Variants in PSD3 observed in about 807,000 individuals in gnomAD.
PSD3 encodes pleckstrin and Sec7 domain containing 3.
A neutral mutation model predicts 105.5 loss-of-function variants in PSD3; 49 were observed. The observed-to-expected ratio is 0.46, with a 90% confidence interval of 0.37 to 0.59. The LOEUF is 0.59. PSD3 is among the 20% of genes least tolerant of loss of function. The pLI is 0.00. For synonymous variants in PSD3, 557 were observed against 457.8 expected (o/e 1.22, Z -2.77); for missense variants, 1,561 against 1,263.8 (o/e 1.24, Z -3.57).
chr8:18,747,767 T>G (rs1031055533), intron 9 of PSD3, among the ~76,000 whole-genome samples: 1 of 151,598 alleles, frequency 6.6e-6, no homozygotes, highest in Non-Finnish European at 1.5e-5. Context: ...CTGCTCAGTA[T>G]GCAGAGAGCA....
At chr8:18,862,394 C>A (rs916065643) in intron 4 of PSD3, among the ~76,000 whole-genome samples, 3 of 150,892 alleles carry the variant, frequency 2.0e-5, no homozygotes, top group Admixed American at 6.6e-5. Context: ...AAAAAAAAAT[C>A]AAATCACCAT....
At chr8:18,869,828 T>C (rs966325672) in intron 3 of PSD3, among the ~76,000 whole-genome samples, 1 of 152,204 alleles carries the variant, frequency 6.6e-6, no homozygotes, top group Admixed American at 6.5e-5. Flanking sequence ...TATTAGCATG[T>C]TTATGTGATC....
chr8:18,894,312 C>G (rs1196931396), intron 2 of PSD3, among the ~76,000 whole-genome samples: 3 of 152,106 alleles, frequency 2.0e-5, no homozygotes, highest in African/African-American at 7.2e-5. Flanking sequence ...ATTAAAATGA[C>G]AGAAGTCACA....
At chr8:19,062,093 G>T (rs901168935) in intron 1 of PSD3, among the ~76,000 whole-genome samples, 12 of 152,018 alleles carry the variant, frequency 7.9e-5, no homozygotes, top group Admixed American at 5.2e-4. Flanking sequence ...TTCCTTTATG[G>T]CACCTAGTTC....
In PSD3 at chr8:18,872,209, C is replaced by A; in HGVS notation, c.655G>T (p.Ala219Ser). 1 of 1,614,174 alleles carries A rather than the reference C, an allele frequency of 6.2e-7. No homozygotes were observed. Among genetic ancestry groups the A allele is most frequent in the Non-Finnish European group, 8.5e-7 (1 of 1,180,032 alleles). Residue 219 changes from alanine to serine, a missense_variant, in exon 3 of 16, where the codon GCG (alanine) becomes TCG (serine). Ala to Ser is a moderately conservative substitution (Grantham distance 99). Coordinates refer to ENST00000327040, the MANE Select transcript of PSD3 (RefSeq NM_015310.4). Reference protein sequence around the residue: ...FYLSIQKDLTALLTGDTQAEI... With the variant: ...FYLSIQKDLTSLLTGDTQAEI... ...GCCTGAGTGTCTCCAGTTAACAGCG[C>A]GGTGAGATCTTTCTGGATGCTCAAA...
chr8:18,804,424 A>T (rs1586062862), intron 6 of PSD3, 98 bp downstream of exon 6: 12 of 141,304 alleles, frequency 8.5e-5, no homozygotes, highest in Non-Finnish European at 1.1e-4. Context: ...TGGAGGTTTA[A>T]AAAAAAAAAA....
intron 8 of PSD3, among the ~76,000 whole-genome samples, chr8:18,797,188 A>G (rs915187748): frequency 6.6e-6 from 1 of 152,200 alleles, no homozygotes; most frequent in Non-Finnish European, 1.5e-5. Flanking sequence ...GCATTATGGA[A>G]AACTAATACA....
At chr8:19,049,505 C>T (rs1367257484) in intron 1 of PSD3, among the ~76,000 whole-genome samples, 1 of 152,000 alleles carries the variant, frequency 6.6e-6, no homozygotes, top group Non-Finnish European at 1.5e-5. Flanking sequence ...GCCCAGACAA[C>T]ATAGCAAGAC....
At chr8:18,786,205 A>G (rs1395605942) in intron 8 of PSD3, among the ~76,000 whole-genome samples, 1 of 152,152 alleles carries the variant, frequency 6.6e-6, no homozygotes, top group East Asian at 1.9e-4. Flanking sequence ...CTCCGTTTCA[A>G]ACAAAAAGTT....
chr8:18,606,714 T>C (rs1251830043), intron 11 of PSD3, among the ~76,000 whole-genome samples: 1 of 151,498 alleles, frequency 6.6e-6, no homozygotes, highest in Non-Finnish European at 1.5e-5. Context: ...TTACAGTAGG[T>C]GAGATAAGAG....
intron 12 of PSD3, among the ~76,000 whole-genome samples, chr8:18,584,330 C>T (rs1259971197): frequency 6.6e-6 from 1 of 152,176 alleles, no homozygotes; most frequent in East Asian, 1.9e-4. Flanking sequence ...TGGGTGAAGT[C>T]ATAACAGTTA....
intron 1 of PSD3, among the ~76,000 whole-genome samples, chr8:19,010,998 A>G (rs1406549168): frequency 2.6e-5 from 4 of 151,542 alleles, no homozygotes; most frequent in Non-Finnish European, 4.4e-5. Flanking sequence ...CCTGATTCAC[A>G]TACTAAACTC....
At chr8:18,811,081 G>A (rs1412483286) in intron 4 of PSD3, among the ~76,000 whole-genome samples, 1 of 152,184 alleles carries the variant, frequency 6.6e-6, no homozygotes, top group African/African-American at 2.4e-5. Context: ...AAGTTATTCA[G>A]AAGAGCCATA....
At chr8:18,776,840 G>T (rs1043720501) in intron 8 of PSD3, among the ~76,000 whole-genome samples, 1 of 152,084 alleles carries the variant, frequency 6.6e-6, no homozygotes, top group African/African-American at 2.4e-5. Flanking sequence ...CGTGGTTCTT[G>T]AATCTTCTTG....
At chr8:18,932,997 C>G (rs1252060840) in intron 2 of PSD3, among the ~76,000 whole-genome samples, 1 of 152,198 alleles carries the variant, frequency 6.6e-6, no homozygotes, top group Admixed American at 6.5e-5. Flanking sequence ...ATTGTTTCTT[C>G]TTAGCTAAAG....
At chr8:18,554,943 G>T (rs1226442836) in intron 15 of PSD3, among the ~76,000 whole-genome samples, 1 of 152,128 alleles carries the variant, frequency 6.6e-6, no homozygotes, top group Non-Finnish European at 1.5e-5. Flanking sequence ...TGTGTTTGGG[G>T]AGAGTAGGCA....
intron 10 of PSD3, among the ~76,000 whole-genome samples, chr8:18,633,141 T>C (rs1053336719): frequency 3.9e-5 from 6 of 152,114 alleles, no homozygotes; most frequent in South Asian, 2.1e-4. Flanking sequence ...TTTCACCGTT[T>C]ACAATGCTTT....
intron 11 of PSD3, among the ~76,000 whole-genome samples, chr8:18,611,228 G>A (rs1411634113): frequency 1.3e-5 from 2 of 148,766 alleles, no homozygotes; most frequent in African/African-American, 2.5e-5. Flanking sequence ...TTAAATGAGG[G>A]TGTAATTTAA....
At chr8:19,083,920 C>G in intron 1 of PSD3, among the ~76,000 whole-genome samples, 1 of 152,188 alleles carries the variant, frequency 6.6e-6, no homozygotes, top group East Asian at 1.9e-4. Flanking sequence ...TGGTGTTCCC[C>G]TATAAAGTAT....
Sources: allele counts gnomAD v4.1 joint callset (sites outside exome capture counted in the v4.1 genomes callset), GRCh38; gene constraint gnomAD v4.1.1; transcripts MANE v1.5; gene names NCBI Gene and HGNC (gene_info 2026-07-23, HGNC 2026-07-21).